NOL4: variants seen among roughly 807,000 people sequenced by gnomAD.
The protein encoded by NOL4 is nucleolar protein 4.
A neutral mutation model predicts 75.9 loss-of-function variants in NOL4; 17 were observed. The observed-to-expected ratio is 0.22, with a 90% confidence interval of 0.15 to 0.34. NOL4 has a LOEUF of 0.34. Ranked by LOEUF, NOL4 falls within the 10% of genes least tolerant of loss-of-function variation. The pLI, the probability that NOL4 is intolerant of heterozygous loss-of-function variation, is 1.00. For synonymous variants in NOL4, 292 were observed against 289.9 expected, an observed-to-expected ratio of 1.01 and a Z score of -0.07; for missense variants, 614 against 793.5, an observed-to-expected ratio of 0.77 and a Z score of 2.72.
chr18:34,017,255 C>T (rs1421305743), intron 6 of NOL4, among the ~76,000 whole-genome samples: 1 of 151,994 alleles, frequency 6.6e-6, no homozygotes, highest in East Asian at 1.9e-4. Context: ...GTATGTGTAT[C>T]CTCTTTCTCA....
chr18:33,959,731 A>G (rs2069948753), intron 6 of NOL4, among the ~76,000 whole-genome samples: 1 of 152,116 alleles, frequency 6.6e-6, no homozygotes, highest in Non-Finnish European at 1.5e-5. Context: ...TACCTAGTCA[A>G]TTGGTTCCCT....
intron 1 of NOL4, among the ~76,000 whole-genome samples, chr18:34,153,583 GA>G (rs1330834552): frequency 2.0e-5 from 3 of 151,914 alleles, no homozygotes; most frequent in Admixed American, 6.6e-5. Flanking sequence ...AGCACTGCAA[GA>G]TATAAATCAG....
At chr18:34,187,772 T>C (rs537081764) in intron 1 of NOL4, among the ~76,000 whole-genome samples, 17 of 152,350 alleles carry the variant, frequency 1.1e-4, no homozygotes, top group African/African-American at 4.1e-4. Context: ...ACTTGTTACT[T>C]TTAGGTTTTA....
At chr18:33,973,268 C>G (rs2071223973) in intron 6 of NOL4, among the ~76,000 whole-genome samples, 1 of 152,130 alleles carries the variant, frequency 6.6e-6, no homozygotes, top group Admixed American at 6.6e-5. Flanking sequence ...CTCATCTGTT[C>G]AAGTTTTATC....
intron 10 of NOL4, among the ~76,000 whole-genome samples, chr18:33,860,967 C>T (rs2063095734): frequency 6.6e-6 from 1 of 152,188 alleles, no homozygotes; most frequent in Non-Finnish European, 1.5e-5. Flanking sequence ...ACCAGACTTG[C>T]ATCCGAGGGA....
At chr18:33,971,172 C>T (rs1344165830) in intron 6 of NOL4, among the ~76,000 whole-genome samples, 3 of 152,108 alleles carry the variant, frequency 2.0e-5, no homozygotes, top group African/African-American at 7.2e-5. Context: ...TTTCCATTTC[C>T]CTTATACTTT....
chr18:34,169,908 A>G (rs1387045742), intron 1 of NOL4, among the ~76,000 whole-genome samples: 1 of 152,186 alleles, frequency 6.6e-6, no homozygotes. Context: ...ATGCACTAAT[A>G]TACAATTATT....
chr18:34,135,827 C>T (rs905696742), intron 1 of NOL4, among the ~76,000 whole-genome samples: 1 of 151,804 alleles, frequency 6.6e-6, no homozygotes, highest in Non-Finnish European at 1.5e-5. Flanking sequence ...AAACACTTCC[C>T]AAATTATCCA....
intron 5 of NOL4, chr18:34,048,593 A>T (rs770485602): frequency 1.0e-6 from 1 of 985,328 alleles, no homozygotes; most frequent in Non-Finnish European, 1.2e-6. Flanking sequence ...CTGCACAGTA[A>T]GAGCTAATCT....
chr18:33,983,706 T>C (rs745543007), intron 6 of NOL4, among the ~76,000 whole-genome samples: 2 of 151,862 alleles, frequency 1.3e-5, no homozygotes, highest in Non-Finnish European at 1.5e-5. Context: ...TATTTAAACA[T>C]TGTTGCTTTC....
At chr18:34,135,955 C>G (rs141769468) in intron 1 of NOL4, among the ~76,000 whole-genome samples, 1 of 151,808 alleles carries the variant, frequency 6.6e-6, no homozygotes, top group African/African-American at 2.4e-5. Flanking sequence ...ACTAGCAAAC[C>G]AAATCCAACC....
chr18:33,871,530 T>A (rs960173569), intron 10 of NOL4, among the ~76,000 whole-genome samples: 5 of 151,978 alleles, frequency 3.3e-5, no homozygotes, highest in African/African-American at 7.2e-5. Flanking sequence ...CCCCAGAGGA[T>A]GTGTCAAAGT....
intron 10 of NOL4, among the ~76,000 whole-genome samples, chr18:33,857,420 C>T (rs2062886972): frequency 6.6e-6 from 1 of 152,022 alleles, no homozygotes; most frequent in Non-Finnish European, 1.5e-5. Flanking sequence ...AACTTTACCA[C>T]AGCATAAGCT....
intron 1 of NOL4, among the ~76,000 whole-genome samples, chr18:34,170,104 A>G (rs747659203): frequency 6.6e-6 from 1 of 152,112 alleles, no homozygotes; most frequent in Non-Finnish European, 1.5e-5. Context: ...TCCAACCAGT[A>G]GTCAGTAGCA....
At chr18:33,978,227 C>T (rs969836665) in intron 6 of NOL4, among the ~76,000 whole-genome samples, 4 of 152,052 alleles carry the variant, frequency 2.6e-5, no homozygotes, top group African/African-American at 9.7e-5. Context: ...AGATATATGT[C>T]TACCTTTTCT....
At chr18:34,196,314 A>G (rs1056068264) in intron 1 of NOL4, among the ~76,000 whole-genome samples, 1 of 152,114 alleles carries the variant, frequency 6.6e-6, no homozygotes, top group Admixed American at 6.6e-5. Flanking sequence ...ATCTTGTTTT[A>G]CTCAAACTAA....
chr18:33,880,559 G>A (rs1599723283), intron 10 of NOL4, among the ~76,000 whole-genome samples: 1 of 152,020 alleles, frequency 6.6e-6, no homozygotes, highest in East Asian at 1.9e-4. Flanking sequence ...GCTTGATCCA[G>A]TACAACACTG....
intron 9 of NOL4, among the ~76,000 whole-genome samples, chr18:33,919,399 T>C (rs1293317875): frequency 3.3e-5 from 5 of 152,170 alleles, no homozygotes; most frequent in Admixed American, 2.6e-4. Context: ...CCCTGAGCCT[T>C]GAACAGGGCT....
chr18:34,059,961 G>A (rs1049615174), intron 5 of NOL4, among the ~76,000 whole-genome samples: 2 of 152,056 alleles, frequency 1.3e-5, no homozygotes, highest in Non-Finnish European at 2.9e-5. Flanking sequence ...CGGTCATTGA[G>A]TGAGCCACCT....
Sources: allele counts gnomAD v4.1 joint callset (sites outside exome capture counted in the v4.1 genomes callset), GRCh38; gene constraint gnomAD v4.1.1; transcripts MANE v1.5; gene names NCBI Gene and HGNC (gene_info 2026-07-23, HGNC 2026-07-21).